LYPLAL1: variants seen among roughly 807,000 people sequenced by gnomAD.
LYPLAL1 encodes lysophospholipase-like protein 1.
A neutral mutation model predicts 19.7 loss-of-function variants in LYPLAL1; 23 were observed. The observed-to-expected ratio is 1.17, with a 90% CI of 0.84 to 1.65. The LOEUF (loss-of-function observed/expected upper bound fraction) is 1.65. Among genes scored for constraint, LYPLAL1 ranks in the 40% most tolerant of loss-of-function variants. LYPLAL1 has a pLI of 0.00. For missense variants in LYPLAL1, 355 were observed against 279.4 expected (o/e 1.27, Z -1.93); for synonymous variants, 119 against 96.3 (o/e 1.24, Z -1.38).
At chr1:219,244,191 A>T in the LYPLAL1 span, among the ~76,000 whole-genome samples, 1,153 of 152,340 alleles carry the variant, frequency 7.6e-3, 4 homozygotes, top group South Asian at 0.023. Flanking sequence ...CTTCACGATG[A>T]CATAGTTATA....
the LYPLAL1 span, among the ~76,000 whole-genome samples, chr1:219,249,209 G>A: frequency 4.6e-5 from 7 of 151,812 alleles, no homozygotes; most frequent in South Asian, 1.2e-3. Context: ...CAAGTCTCCC[G>A]GCCTTCTATC....
the LYPLAL1 span, among the ~76,000 whole-genome samples, chr1:219,315,717 C>T: frequency 2.0e-5 from 3 of 152,076 alleles, no homozygotes; most frequent in Non-Finnish European, 4.4e-5. Flanking sequence ...GTTGGGAGTT[C>T]TGGTGATTAT....
the LYPLAL1 span, among the ~76,000 whole-genome samples, chr1:219,416,852 A>C: frequency 2.2e-4 from 33 of 152,204 alleles, no homozygotes; most frequent in African/African-American, 7.2e-4. Flanking sequence ...TCCTGTCTGG[A>C]CCAGATCCTA....
the LYPLAL1 span, among the ~76,000 whole-genome samples, chr1:219,384,759 G>A: frequency 5.3e-5 from 8 of 152,082 alleles, no homozygotes; most frequent in Non-Finnish European, 2.9e-5. Flanking sequence ...AAATATGTAT[G>A]GAAATGACAT....
chr1:219,214,852 G>C (rs796532768), downstream of LYPLAL1, among the ~76,000 whole-genome samples: 5 of 151,904 alleles, frequency 3.3e-5, no homozygotes, highest in African/African-American at 9.6e-5. Flanking sequence ...ACTATCCCCA[G>C]CTAGTTTTTG....
chr1:219,421,667 T>C, the LYPLAL1 span, among the ~76,000 whole-genome samples: 1 of 151,964 alleles, frequency 6.6e-6, no homozygotes, highest in African/African-American at 2.4e-5. Context: ...TCCTACAAGA[T>C]ATATAAGTAG....
At chr1:219,432,086 A>G in the LYPLAL1 span, among the ~76,000 whole-genome samples, 1 of 152,190 alleles carries the variant, frequency 6.6e-6, no homozygotes, top group Admixed American at 6.5e-5. Context: ...AGACAATACC[A>G]TTTCCAGACA....
the LYPLAL1 span, among the ~76,000 whole-genome samples, chr1:219,370,591 A>T: frequency 6.6e-6 from 1 of 152,056 alleles, no homozygotes; most frequent in East Asian, 1.9e-4. Context: ...CCACCAAACA[A>T]CTTCGGGAGA....
the LYPLAL1 span, among the ~76,000 whole-genome samples, chr1:219,429,536 T>C: frequency 2.6e-5 from 4 of 152,124 alleles, no homozygotes; most frequent in Non-Finnish European, 5.9e-5. Context: ...CACACACCTG[T>C]GGTTCCACCA....
chr1:219,436,413 T>G, the LYPLAL1 span, among the ~76,000 whole-genome samples: 1 of 152,216 alleles, frequency 6.6e-6, no homozygotes, highest in Non-Finnish European at 1.5e-5. Flanking sequence ...TAAAAGTTCA[T>G]TCTTTTTTTT....
chr1:219,346,753 A>G, the LYPLAL1 span, among the ~76,000 whole-genome samples: 1 of 152,148 alleles, frequency 6.6e-6, no homozygotes, highest in African/African-American at 2.4e-5. Flanking sequence ...GGGGGGCCAT[A>G]AAAAAGAAGT....
intron 3 of LYPLAL1, among the ~76,000 whole-genome samples, chr1:219,205,728 C>T (rs1384268472): frequency 6.6e-6 from 1 of 152,162 alleles, no homozygotes; most frequent in East Asian, 1.9e-4. Context: ...TTTTTCTGAA[C>T]TTGTACACGT....
At chr1:219,326,338 G>A in the LYPLAL1 span, among the ~76,000 whole-genome samples, 1 of 151,906 alleles carries the variant, frequency 6.6e-6, no homozygotes, top group African/African-American at 2.4e-5. Context: ...TGAATGAAAA[G>A]GTCTCTAAAC....
the LYPLAL1 span, among the ~76,000 whole-genome samples, chr1:219,377,554 C>T: frequency 6.6e-6 from 1 of 151,876 alleles, no homozygotes; most frequent in African/African-American, 2.4e-5. Flanking sequence ...TTTAAATGCC[C>T]CCACATACCT....
intron 3 of LYPLAL1, chr1:219,200,231 C>T: frequency 3.9e-6 from 1 of 254,030 alleles, no homozygotes. Flanking sequence ...TATCTCGAGC[C>T]AAGAAAACAG....
the LYPLAL1 span, among the ~76,000 whole-genome samples, chr1:219,306,841 T>TAGACAGAC: frequency 0.023 from 1,861 of 80,558 alleles, 50 homozygotes; most frequent in African/African-American, 0.062. Context: ...GATAGATAGA[T>TAGACAGAC]AGATAGATAG....
chr1:219,208,852 T>A (rs1474375), intron 3 of LYPLAL1, among the ~76,000 whole-genome samples: 93,835 of 151,846 alleles, frequency 0.62, 29,508 homozygotes, highest in East Asian at 0.92. Context: ...AAAGTTGAGA[T>A]TTTTTTCTGT....
At chr1:219,384,446 G>A in the LYPLAL1 span, among the ~76,000 whole-genome samples, 16 of 152,178 alleles carry the variant, frequency 1.1e-4, no homozygotes, top group African/African-American at 3.6e-4. Flanking sequence ...GCATTTGGGA[G>A]GCATTCCAGC....
At chr1:219,274,543 G>A in the LYPLAL1 span, among the ~76,000 whole-genome samples, 86 of 151,996 alleles carry the variant, frequency 5.7e-4, no homozygotes, top group Non-Finnish European at 9.3e-4. Context: ...CTGCCACCAT[G>A]CCCAACTAAC....
Sources: allele counts gnomAD v4.1 joint callset (sites outside exome capture counted in the v4.1 genomes callset), GRCh38; gene constraint gnomAD v4.1.1; transcripts MANE v1.5; gene names NCBI Gene and HGNC (gene_info 2026-07-23, HGNC 2026-07-21).